The following ANKH variants were observed in gnomAD, a reference collection of about 807,000 sequenced individuals.
The protein encoded by ANKH is mineralization regulator ANKH.
A neutral mutation model predicts 49.0 loss-of-function variants in ANKH; 15 were observed. The ratio of observed to expected loss-of-function variants is 0.31; its 90% CI spans 0.20 to 0.47. The LOEUF (loss-of-function observed/expected upper bound fraction) is 0.47, where lower values mean the gene tolerates loss of function less well. Among genes scored for constraint, ANKH ranks in the 20% least tolerant of loss-of-function variants. ANKH has a pLI of 1.00. For missense variants in ANKH, 429 were observed against 652.0 expected (o/e 0.66, Z 3.72); for synonymous variants, 273 against 260.0 (o/e 1.05, Z -0.48).
rs532479029 is a variant in ANKH at position 14,842,745 on chromosome 5, A to G, written c.96+28607T>C. Reference sequence around the variant, plus strand: ...GTGGGGGTTTTCTTCTATCAAGCCCAAGTATGAACGACACACTGAAGTGTC... The same window carrying G: ...GTGGGGGTTTTCTTCTATCAAGCCCGAGTATGAACGACACACTGAAGTGTC... On this transcript the variant is annotated intron_variant, in intron 1 of 11. Coordinates refer to ENST00000284268, the MANE Select transcript of ANKH (RefSeq NM_054027.6). Among the ~76,000 whole-genome samples the G allele has an allele frequency of 7.2e-5, 11 of 152,282 alleles. No homozygotes were observed. The South Asian group carries it at 1.7e-3, about 23-fold the overall frequency.
intron 1 of ANKH, among the ~76,000 whole-genome samples, chr5:14,799,716 C>A (rs1309766959): frequency 6.6e-6 from 1 of 152,182 alleles, no homozygotes; most frequent in Non-Finnish European, 1.5e-5. Flanking sequence ...AAAAAGATTT[C>A]TTTCAAATAT....
chr5:14,760,881 T>TCAAAATTC (rs768109237), intron 2 of ANKH, among the ~76,000 whole-genome samples: 204 of 152,290 alleles, frequency 1.3e-3, no homozygotes, highest in Non-Finnish European at 2.6e-3. Context: ...CTATGTCCCT[T>TCAAAATTC]CAAAATTCAG....
At chr5:14,762,149 T>A (rs2126500935) in intron 2 of ANKH, among the ~76,000 whole-genome samples, 1 of 152,288 alleles carries the variant, frequency 6.6e-6, no homozygotes, top group South Asian at 2.1e-4. Flanking sequence ...CAGGTGACAA[T>A]CCTCAATCCT....
intron 1 of ANKH, among the ~76,000 whole-genome samples, chr5:14,823,474 A>G (rs1274476432): frequency 6.6e-6 from 1 of 152,244 alleles, no homozygotes; most frequent in African/African-American, 2.4e-5. Context: ...GAAGGCAATC[A>G]TAGCATGGTG....
chr5:14,852,403 A>G (rs979157375), intron 1 of ANKH, among the ~76,000 whole-genome samples: 4 of 152,210 alleles, frequency 2.6e-5, no homozygotes, highest in African/African-American at 9.6e-5. Flanking sequence ...GTCACAACAA[A>G]TTACAGGGCA....
chr5:14,846,943 T>C (rs1741978370), intron 1 of ANKH, among the ~76,000 whole-genome samples: 1 of 147,596 alleles, frequency 6.8e-6, no homozygotes, highest in South Asian at 2.1e-4. Context: ...AGGAGACGGA[T>C]GTTGCAGTGA....
Position 14,709,116 on chromosome 5 carries a change from A to T in ANKH, c.*2081T>A, listed in dbSNP as rs964903491. ...GCCATGTTGGCCAGGCTGGTCTCAA[A>T]CTCCTGACCTTAAGTGATCCACCCT... is the stretch of plus-strand genomic sequence containing the variant. On this transcript the variant is annotated 3_prime_UTR_variant, in exon 12 of 12. Coordinates refer to ENST00000284268, the MANE Select transcript of ANKH (RefSeq NM_054027.6). 6.6e-6 allele frequency: 1 copy of T among 151,458 alleles called. No individual in the cohort carries two copies. The highest frequency in any genetic ancestry group is 1.5e-5 in the Non-Finnish European group (1 of 67,878). The allele number at this position is 151,458 out of a possible 1,614,324, so 9.4% of individuals were successfully genotyped here. A position where few individuals can be genotyped will look rare whatever the true frequency, so the allele number is the denominator to read the frequency against.
At chr5:14,756,835 T>C (rs1452153762) in intron 3 of ANKH, among the ~76,000 whole-genome samples, 2 of 152,198 alleles carry the variant, frequency 1.3e-5, no homozygotes, top group Admixed American at 6.5e-5. Flanking sequence ...TAAATGTTCA[T>C]TATTTTCATT....
chr5:14,777,628 C>A (rs184712656), intron 1 of ANKH, among the ~76,000 whole-genome samples: 75 of 152,286 alleles, frequency 4.9e-4, no homozygotes, highest in African/African-American at 1.4e-3. Context: ...GGACAGGAGG[C>A]ACCAATTCAC....
chr5:14,821,159 G>A (rs774169430), intron 1 of ANKH, among the ~76,000 whole-genome samples: 20 of 151,536 alleles, frequency 1.3e-4, no homozygotes, highest in African/African-American at 4.6e-4. Flanking sequence ...ATTAAAGCCC[G>A]ACATCATATA....
chr5:14,821,041 T>C (rs1318533097), intron 1 of ANKH, among the ~76,000 whole-genome samples: 1 of 150,738 alleles, frequency 6.6e-6, no homozygotes, highest in Non-Finnish European at 1.5e-5. Context: ...GAGGTTGCAG[T>C]GAGACCTGAT....
chr5:14,723,099 G>C (rs1737719389), intron 8 of ANKH, among the ~76,000 whole-genome samples: 1 of 152,122 alleles, frequency 6.6e-6, no homozygotes, highest in Non-Finnish European at 1.5e-5. Context: ...TCAGAGACCA[G>C]AGGAGGCTAC....
intron 1 of ANKH, among the ~76,000 whole-genome samples, chr5:14,845,558 G>C (rs826356): frequency 0.46 from 70,193 of 151,922 alleles, 16,528 homozygotes; most frequent in East Asian, 0.75. Context: ...AAGAGGACTT[G>C]GGTTGACAGG....
At chr5:14,766,309 T>C (rs1043283990) in intron 2 of ANKH, among the ~76,000 whole-genome samples, 1 of 152,136 alleles carries the variant, frequency 6.6e-6, no homozygotes, top group South Asian at 2.1e-4. Flanking sequence ...GGTGGGAGAA[T>C]TGATTGAGCC....
At chr5:14,870,767 A>AAAAG (rs1233701705) in intron 1 of ANKH, 68 of 159,570 alleles carry the variant, frequency 4.3e-4, no homozygotes, top group Middle Eastern at 3.2e-3. Flanking sequence ...TGAAAAAAAA[A>AAAAG]AAAGAAAGAA....
chr5:14,857,549 T>C (rs975094826), intron 1 of ANKH, among the ~76,000 whole-genome samples: 1 of 151,860 alleles, frequency 6.6e-6, no homozygotes, highest in Non-Finnish European at 1.5e-5. Flanking sequence ...TTCCAGCTAC[T>C]TGGGAGGCTA....
chr5:14,716,762 G>A lies in ANKH; in HGVS notation c.1085C>T (p.Ala362Val), dbSNP rs143066052. 2.5e-6 allele frequency: 4 copies of A among 1,614,136 alleles called. No homozygotes were observed. In the East Asian group the frequency reaches 6.7e-5, roughly 27 times the overall value. Residue 362 changes from alanine (A) to valine (V), a missense_variant, in exon 9 of 12, where the codon GCC (alanine) becomes GTC (valine). Physicochemically the swap from Ala to Val is moderately conservative, Grantham distance 64. This residue lies in a region of ANKH where 378 missense variants were observed against 615.3 expected (regional missense o/e 0.61). Coordinates refer to ENST00000284268, the MANE Select transcript of ANKH (RefSeq NM_054027.6). ...AGGAACAACACAGAGTTCTGCAAAG[G>A]CAAAGTCCACTCCGATGATGTCTAT... Reference protein sequence around the residue: ...ILIDIIGVDFAFAELCVVPLR... With the variant: ...ILIDIIGVDFVFAELCVVPLR...
intron 1 of ANKH, among the ~76,000 whole-genome samples, chr5:14,867,125 C>G (rs1460955446): frequency 7.3e-6 from 1 of 137,768 alleles, no homozygotes; most frequent in African/African-American, 2.8e-5. Flanking sequence ...CCACTGTACT[C>G]TAGCCTGGGC....
intron 5 of ANKH, among the ~76,000 whole-genome samples, chr5:14,749,604 T>C (rs1026447935): frequency 3.0e-4 from 45 of 152,206 alleles, no homozygotes; most frequent in African/African-American, 1.1e-3. Context: ...CTAACCAAGG[T>C]AGAACCCACA....
Sources: gnomAD v4.1 joint callset for allele counts (sites outside exome capture counted in the v4.1 genomes callset) on GRCh38, gnomAD v4.1.1 for gene constraint, gnomAD v4.1.1 regional missense constraint, MANE v1.5 for transcripts, NCBI Gene and HGNC (gene_info 2026-07-23, HGNC 2026-07-21) for gene names.